PIK3R6: variants seen among roughly 807,000 people sequenced by gnomAD.
PIK3R6 encodes phosphoinositide-3-kinase regulatory subunit 6, also known as phosphoinositide 3-kinase regulatory subunit 6.
In PIK3R6, 91 loss-of-function variants were observed where a neutral mutation model predicts 84.9. The observed-to-expected ratio is 1.07, with a 90% CI of 0.90 to 1.28. The LOEUF is 1.28. Ranked by LOEUF, PIK3R6 falls within the 50% of genes most tolerant of loss-of-function variation. The pLI is 0.00. For missense variants in PIK3R6, 996 were observed against 985.1 expected, an observed-to-expected ratio of 1.01 and a Z score of -0.15; for synonymous variants, 416 against 411.4, an observed-to-expected ratio of 1.01 and a Z score of -0.13.
rs748706124 is a variant in PIK3R6, at chr17:8,860,288, GC to G, written c.-92+7240del. 4.3e-3 allele frequency among the ~76,000 whole-genome samples: 563 copies of G among 132,308 alleles called. 2 individuals are homozygous for G. The highest frequency in any genetic ancestry group is 0.02 in the African/African-American group (461 of 23,506). 86.8% of individuals were successfully genotyped at this position (132,308 alleles called of 152,430 possible). A position where few individuals can be genotyped will look rare whatever the true frequency, so the allele number is the denominator to read the frequency against. On this transcript the variant is annotated intron_variant, in intron 1 of 19. Coordinates refer to ENST00000619866, the MANE Select transcript of PIK3R6 (RefSeq NM_001010855.4). ...GACCGCCTGAGCTCCGCCTCCTGGG[GC>G]GGGGGGCGGTGTGGGCATAAGATTC...
At position 8,848,724 on chromosome 17, in the gene PIK3R6, C is replaced by T. The variant is rs530082199; in HGVS notation, c.13+1058G>A. ...GAGCTTCCCCATTCCGAGCCTCCCACCCCAAACCCCAGCTGGTTACAGATG... is the reference window on the plus strand; with the variant it reads ...GAGCTTCCCCATTCCGAGCCTCCCATCCCAAACCCCAGCTGGTTACAGATG... On this transcript the variant is annotated intron_variant, in intron 2 of 19. Transcript: ENST00000619866. 1.4e-4 allele frequency among the ~76,000 whole-genome samples: 22 copies of T among 152,294 alleles called. No individual in the cohort carries two copies. The South Asian group carries it at 4.6e-3, about 32-fold the overall frequency.
intron 9 of PIK3R6, among the ~76,000 whole-genome samples, chr17:8,832,430 T>C (rs1440276098): frequency 7.4e-6 from 1 of 134,470 alleles, no homozygotes; most frequent in Non-Finnish European, 1.5e-5. Context: ...TCGCCCAGGC[T>C]GGAGTACAGT....
At chr17:8,832,823 C>G in intron 9 of PIK3R6, 66 bp downstream of exon 9, 3 of 1,606,066 alleles carry the variant, frequency 1.9e-6, no homozygotes, top group Non-Finnish European at 2.5e-6. Flanking sequence ...CTCTGGCGCC[C>G]CCTGCTGTGC....
intron 1 of PIK3R6, among the ~76,000 whole-genome samples, chr17:8,853,835 C>A (rs538582774): frequency 1.3e-5 from 2 of 149,626 alleles, no homozygotes; most frequent in Admixed American, 1.3e-4. Context: ...TGGTGGCATG[C>A]GCCTGTAGTC....
intron 1 of PIK3R6, among the ~76,000 whole-genome samples, chr17:8,860,197 G>T (rs1035827954): frequency 6.6e-6 from 1 of 152,066 alleles, no homozygotes; most frequent in African/African-American, 2.4e-5. Context: ...CTGCGGATGG[G>T]CACTGATCCG....
At chr17:8,808,290 G>A (rs1211022426) in intron 18 of PIK3R6, among the ~76,000 whole-genome samples, 1 of 152,186 alleles carries the variant, frequency 6.6e-6, no homozygotes, top group Non-Finnish European at 1.5e-5. Context: ...GGATGAGGTA[G>A]GTAATGTTAT....
Position 8,802,831 on chromosome 17 carries a change from T to G in PIK3R6, c.*442A>C. 1 of 168,950 alleles carries G rather than the reference T, an allele frequency of 5.9e-6. No homozygotes were observed. Among genetic ancestry groups the G allele is most frequent in the East Asian group, 1.9e-4 (1 of 5,334 alleles). 10.5% of individuals were successfully genotyped at this position (168,950 alleles called of 1,614,324 possible). A position where few individuals can be genotyped will look rare whatever the true frequency, so the allele number is the denominator to read the frequency against. On this transcript the variant is annotated 3_prime_UTR_variant, in exon 20 of 20. Coordinates refer to ENST00000619866, the MANE Select transcript of PIK3R6 (RefSeq NM_001010855.4). ...AGTGAGGTGGGCAGTGGCCTGAGAG[T>G]GGGAAGGGAAGAGACTTGGGAGGGA...
chr17:8,812,234 C>T (rs553483776), intron 18 of PIK3R6, among the ~76,000 whole-genome samples: 1 of 152,326 alleles, frequency 6.6e-6, no homozygotes, highest in African/African-American at 2.4e-5. Flanking sequence ...CCTCCCACAA[C>T]ATGTGGGAAT....
chr17:8,806,659 C>T (rs1019916999), intron 18 of PIK3R6, among the ~76,000 whole-genome samples: 1 of 152,196 alleles, frequency 6.6e-6, no homozygotes, highest in South Asian at 2.1e-4. Flanking sequence ...TGCTAATTGT[C>T]TCCTGTTCTC....
chr17:8,831,328 TAA>T (rs60650147), intron 9 of PIK3R6, among the ~76,000 whole-genome samples: 162 of 33,060 alleles, frequency 4.9e-3, no homozygotes, highest in African/African-American at 0.021. Context: ...AGACCCTGTC[TAA>T]AAAAAAAAAA....
chr17:8,810,893 G>C (rs752201374), intron 18 of PIK3R6, among the ~76,000 whole-genome samples: 5 of 148,634 alleles, frequency 3.4e-5, no homozygotes, highest in Non-Finnish European at 7.4e-5. Flanking sequence ...CAAGCTGTCA[G>C]TGGATCTATC....
At chr17:8,807,947 G>T (rs1364997644) in intron 18 of PIK3R6, among the ~76,000 whole-genome samples, 3 of 152,176 alleles carry the variant, frequency 2.0e-5, no homozygotes, top group Non-Finnish European at 4.4e-5. Context: ...GACTTTCCTG[G>T]TGTTAGCACT....
At position 8,821,910 on chromosome 17, in the gene PIK3R6, C is replaced by T; in HGVS notation, c.1815G>A (p.Glu605=). The T allele has an allele frequency of 3.1e-6, 5 of 1,590,314 alleles. No individual in the cohort carries two copies. In the South Asian group the frequency reaches 5.7e-5, roughly 18 times the overall value. Reference sequence around the variant, plus strand: ...CAGTGGCCCGCAGGGAAACGGTGACCTCTCGGGGCCGGTGGCTAAGCAAGG... The same window carrying T: ...CAGTGGCCCGCAGGGAAACGGTGACTTCTCGGGGCCGGTGGCTAAGCAAGG... ...QKALLSHRPR[E]VTVSLRATGL... The change falls in exon 17 of 20, where the codon GAG becomes GAA. Residue 605 remains glutamate (E), a synonymous_variant. Transcript: ENST00000619866.
At chr17:8,829,280 C>G (rs1461053046) in intron 10 of PIK3R6, among the ~76,000 whole-genome samples, 1 of 139,744 alleles carries the variant, frequency 7.2e-6, no homozygotes, top group Non-Finnish European at 1.5e-5. Context: ...CACTGACACA[C>G]ACACGCATCA....
rs773297729 is a variant in PIK3R6 at position 8,828,547 on chromosome 17, C to T, written c.1313+20G>A. ...GCCCCTGACCAGCGCCCACCCCCAGCCCCCACGTCGGGGCCCCACCTGAGT... is the reference window on the plus strand; with the variant it reads ...GCCCCTGACCAGCGCCCACCCCCAGTCCCCACGTCGGGGCCCCACCTGAGT... On this transcript the variant is annotated intron_variant, in intron 11 of 19. Coordinates refer to ENST00000619866, the MANE Select transcript of PIK3R6 (RefSeq NM_001010855.4). 1.9e-6 allele frequency: 3 copies of T among 1,608,392 alleles called. No individual in the cohort carries two copies. In the East Asian group the frequency reaches 6.7e-5, roughly 36 times the overall value.
chr17:8,843,861 T>C lies in PIK3R6; in HGVS notation c.14-4164A>G, dbSNP rs117190116. 1.3e-3 allele frequency among the ~76,000 whole-genome samples: 200 copies of C among 152,274 alleles called. 1 individual carries two copies. In the East Asian group the frequency reaches 0.028, roughly 22 times the overall value. ...CCCATGCCTCGGTTTCACTCATTTATATCCTCTGCCTGGCCCCTGGAGGCA... is the reference window on the plus strand; with the variant it reads ...CCCATGCCTCGGTTTCACTCATTTACATCCTCTGCCTGGCCCCTGGAGGCA... On this transcript the variant is annotated intron_variant, in intron 2 of 19. Coordinates refer to ENST00000619866, the MANE Select transcript of PIK3R6 (RefSeq NM_001010855.4).
chr17:8,833,541 C>CTT (rs3884448), intron 8 of PIK3R6, among the ~76,000 whole-genome samples: 28,099 of 130,568 alleles, frequency 0.22, 3,371 homozygotes, highest in Non-Finnish European at 0.24. Flanking sequence ...GAGAAAGTGA[C>CTT]TTTTTTTTTT....
In PIK3R6 at chr17:8,803,128, C is replaced by T; in HGVS notation, c.*145G>A. ...TCCTCATCACAGTCCCCAGGGTAGG[C>T]TCCCTGTGCTCCCAGGCACTCGCTG... On this transcript the variant is annotated 3_prime_UTR_variant, in exon 20 of 20. Transcript: ENST00000619866. This position sits in a 1 kb window ranked among gnomAD's most constrained non-coding sequence, Gnocchi z 5.0. 1 of 1,027,356 alleles carries T rather than the reference C, an allele frequency of 9.7e-7. No homozygotes were observed. The highest frequency in any genetic ancestry group is 1.4e-6 in the Non-Finnish European group (1 of 703,400). 63.6% of individuals were successfully genotyped at this position (1,027,356 alleles called of 1,614,324 possible).
At chr17:8,840,659 T>G (rs2088647988) in intron 2 of PIK3R6, among the ~76,000 whole-genome samples, 1 of 147,434 alleles carries the variant, frequency 6.8e-6, no homozygotes, top group Non-Finnish European at 1.5e-5. Flanking sequence ...CCTCCAAATA[T>G]ATATGAAATA....
Sources: allele counts gnomAD v4.1 joint callset (sites outside exome capture counted in the v4.1 genomes callset), GRCh38; gene constraint gnomAD v4.1.1; non-coding constraint Gnocchi (gnomAD v3.1); transcripts MANE v1.5; gene names NCBI Gene and HGNC (gene_info 2026-07-23, HGNC 2026-07-21).